The following COPG2 variants were observed in gnomAD, a reference collection of about 807,000 sequenced individuals.
COPG2 encodes coat protein complex I subunit gamma 2, also known as coatomer subunit gamma-2.
A neutral mutation model predicts 46.3 loss-of-function variants in COPG2; 37 were observed. That is an observed-to-expected ratio of 0.80 (90% CI 0.61 to 1.05). The LOEUF is 1.05. COPG2 is among the 50% of genes least tolerant of loss of function. COPG2 has a pLI of 0.00. For synonymous variants in COPG2, 159 were observed against 129.7 expected (o/e 1.23, Z -1.53); for missense variants, 427 against 387.8 (o/e 1.10, Z -0.85).
chr7:130,598,707 C>A (rs1794576413), intron 9 of COPG2, among the ~76,000 whole-genome samples: 1 of 152,152 alleles, frequency 6.6e-6, no homozygotes, highest in Non-Finnish European at 1.5e-5. Context: ...TGCAATAAGC[C>A]CCATCTTCTG....
At chr7:130,525,836 T>C (rs1799768661) in intron 20 of COPG2, among the ~76,000 whole-genome samples, 2 of 151,964 alleles carry the variant, frequency 1.3e-5, no homozygotes. Context: ...GAAAACTTCA[T>C]CTAGAGGAAA....
chr7:130,557,761 G>A (rs1793651119), intron 12 of COPG2, among the ~76,000 whole-genome samples: 1 of 126,440 alleles, frequency 7.9e-6, no homozygotes, highest in Non-Finnish European at 1.6e-5. Context: ...GTTGCAGAGT[G>A]AGCAGAGATC....
intron 20 of COPG2, chr7:130,510,938 G>A (rs782205495): frequency 1.9e-6 from 1 of 520,034 alleles, no homozygotes; most frequent in Non-Finnish European, 3.8e-6. Context: ...AAATACCAAA[G>A]AGAATCAGGA....
chr7:130,539,259 AATGGAG>A (rs1351911270), intron 20 of COPG2, among the ~76,000 whole-genome samples: 1 of 152,076 alleles, frequency 6.6e-6, no homozygotes, highest in African/African-American at 2.4e-5. Context: ...AAATGGAAAT[AATGGAG>A]ATGAAGAAAG....
At chr7:130,607,768 C>T (rs1794762051) in intron 9 of COPG2, 1 of 520,032 alleles carries the variant, frequency 1.9e-6, no homozygotes, top group African/African-American at 1.9e-5. Context: ...GTTTTGACCA[C>T]TCTGTCCAGA....
intron 4 of COPG2, among the ~76,000 whole-genome samples, chr7:130,653,938 A>G (rs1216748910): frequency 2.0e-5 from 3 of 152,032 alleles, no homozygotes; most frequent in Non-Finnish European, 4.4e-5. Context: ...TAAGAATCAA[A>G]ATTTCAGGAA....
intron 8 of COPG2, among the ~76,000 whole-genome samples, chr7:130,611,565 T>C (rs368511573): frequency 1.0e-3 from 158 of 152,326 alleles, no homozygotes; most frequent in African/African-American, 3.5e-3. Flanking sequence ...GTCAGGAGAA[T>C]GAGAGTGTTT....
chr7:130,558,472 A>G (rs1292974973), intron 12 of COPG2, among the ~76,000 whole-genome samples: 1 of 152,304 alleles, frequency 6.6e-6, no homozygotes, highest in South Asian at 2.1e-4. Flanking sequence ...CTGTGAGCCA[A>G]TTAAACCTCT....
intron 20 of COPG2, among the ~76,000 whole-genome samples, chr7:130,539,375 G>T (rs893124550): frequency 1.3e-5 from 2 of 152,214 alleles, no homozygotes; most frequent in African/African-American, 2.4e-5. Flanking sequence ...GAGTGGAAGA[G>T]GGGAAGGAAA....
intron 20 of COPG2, among the ~76,000 whole-genome samples, chr7:130,512,580 G>C (rs782713686): frequency 6.6e-6 from 1 of 151,702 alleles, no homozygotes; most frequent in Non-Finnish European, 1.5e-5. Context: ...AGGAGTTTGA[G>C]ACCAGCCTGG....
chr7:130,578,480 G>A (rs1277061650), intron 9 of COPG2, among the ~76,000 whole-genome samples: 8 of 151,808 alleles, frequency 5.3e-5, no homozygotes, highest in African/African-American at 1.2e-4. Flanking sequence ...CACCAGCAAC[G>A]GAACAAAGCT....
intron 9 of COPG2, chr7:130,610,153 A>T (rs542220252): frequency 2.3e-5 from 12 of 511,912 alleles, no homozygotes; most frequent in South Asian, 1.7e-4. Context: ...CTGCTTATAA[A>T]GGTGCAGTAG....
intron 20 of COPG2, among the ~76,000 whole-genome samples, chr7:130,523,953 G>C (rs1244432333): frequency 2.0e-5 from 3 of 151,762 alleles, no homozygotes; most frequent in Non-Finnish European, 4.4e-5. Flanking sequence ...GTGCGTTTGT[G>C]CTGGCGGGGC....
intron 4 of COPG2, among the ~76,000 whole-genome samples, chr7:130,659,110 C>A (rs1324103157): frequency 6.6e-6 from 1 of 152,022 alleles, no homozygotes; most frequent in African/African-American, 2.4e-5. Context: ...AATCCCAGCA[C>A]TTTGGGAGGC....
At chr7:130,569,673 T>C (rs1200141899) in intron 9 of COPG2, among the ~76,000 whole-genome samples, 4 of 152,066 alleles carry the variant, frequency 2.6e-5, no homozygotes, top group Non-Finnish European at 4.4e-5. Flanking sequence ...TTCCAAAAGA[T>C]AGAGAAAGAG....
chr7:130,626,617 T>G (rs1795126081), intron 5 of COPG2, among the ~76,000 whole-genome samples: 1 of 152,074 alleles, frequency 6.6e-6, no homozygotes, highest in African/African-American at 2.4e-5. Flanking sequence ...CTCTCATGTT[T>G]ATTCTCCAAA....
chr7:130,515,096 T>C (rs1055146155), intron 20 of COPG2, among the ~76,000 whole-genome samples: 1 of 152,226 alleles, frequency 6.6e-6, no homozygotes, highest in Non-Finnish European at 1.5e-5. Context: ...GTTAGAAATA[T>C]GAATTCTTTT....
chr7:130,597,532 C>T (rs1794552393), intron 9 of COPG2, among the ~76,000 whole-genome samples: 1 of 151,822 alleles, frequency 6.6e-6, no homozygotes, highest in African/African-American at 2.4e-5. Flanking sequence ...CTTGGGACCC[C>T]GAACAATATA....
At chr7:130,508,682 C>T (rs782074020) in intron 20 of COPG2, 23 bp from the exon 21 acceptor site, 2 of 743,178 alleles carry the variant, frequency 2.7e-6, no homozygotes, top group African/African-American at 1.7e-5. Context: ...GGAGGCAAAC[C>T]TGCATCAGTG....
Sources: gnomAD v4.1 joint callset for allele counts (sites outside exome capture counted in the v4.1 genomes callset) on GRCh38, gnomAD v4.1.1 for gene constraint, MANE v1.5 for transcripts, NCBI Gene and HGNC (gene_info 2026-07-23, HGNC 2026-07-21) for gene names.